The following ZC3H12B variants were observed in gnomAD, a reference collection of about 807,000 sequenced individuals.
ZC3H12B encodes probable ribonuclease ZC3H12B.
A neutral mutation model predicts 43.9 loss-of-function variants in ZC3H12B; 7 were observed. The observed-to-expected ratio is 0.16, with a 90% CI of 0.09 to 0.30. The LOEUF is 0.30. Among genes scored for constraint, ZC3H12B ranks in the 10% least tolerant of loss-of-function variants. ZC3H12B has a pLI of 1.00. For missense variants in ZC3H12B, 475 were observed against 670.2 expected, an observed-to-expected ratio of 0.71 and a Z score of 3.22; for synonymous variants, 222 against 241.7, an observed-to-expected ratio of 0.92 and a Z score of 0.76.
chrX:65,249,921 A>G, the ZC3H12B span, among the ~76,000 whole-genome samples: 2 of 104,369 alleles, frequency 1.9e-5, no homozygotes, highest in South Asian at 4.3e-4. Flanking sequence ...TGATCTTTGT[A>G]TGAAGAAACT....
the ZC3H12B span, among the ~76,000 whole-genome samples, chrX:65,190,075 T>G: frequency 9.0e-6 from 1 of 111,617 alleles, no homozygotes; most frequent in African/African-American, 3.3e-5. Flanking sequence ...CATTGCTTGT[T>G]TTTCTCAGGT....
At chrX:65,279,754 C>A in the ZC3H12B span, among the ~76,000 whole-genome samples, 1 of 111,857 alleles carries the variant, frequency 8.9e-6, no homozygotes, top group Non-Finnish European at 1.9e-5. Context: ...TTCTGCACAG[C>A]AAAACAAACT....
At chrX:65,412,895 C>A (rs1328995874) in intron 3 of ZC3H12B, among the ~76,000 whole-genome samples, 2 of 111,453 alleles carry the variant, frequency 1.8e-5, no homozygotes, top group Non-Finnish European at 3.8e-5. Context: ...AGTGTCTGAA[C>A]CAATTCACAT....
the ZC3H12B span, among the ~76,000 whole-genome samples, chrX:65,113,315 G>C: frequency 8.9e-6 from 1 of 111,894 alleles, no homozygotes; most frequent in Non-Finnish European, 1.9e-5. Flanking sequence ...GACAACAAAA[G>C]ATTTAGAATA....
the ZC3H12B span, among the ~76,000 whole-genome samples, chrX:65,158,911 A>T: frequency 1.8e-5 from 2 of 111,924 alleles, no homozygotes; most frequent in African/African-American, 6.5e-5. Flanking sequence ...TTTAGGTCTA[A>T]CATTTAAGTC....
At chrX:65,179,569 A>G in the ZC3H12B span, among the ~76,000 whole-genome samples, 1 of 110,697 alleles carries the variant, frequency 9.0e-6, no homozygotes, top group African/African-American at 3.3e-5. Flanking sequence ...GTTTTTTAAA[A>G]GACTAACAAA....
chrX:65,381,160 G>C (rs1437222560), intron 2 of ZC3H12B, among the ~76,000 whole-genome samples: 4 of 110,886 alleles, frequency 3.6e-5, no homozygotes, highest in African/African-American at 1.3e-4. Flanking sequence ...ATTTTTTTCA[G>C]CACCACACCA....
At chrX:65,471,822 G>C (rs185572907) in intron 3 of ZC3H12B, among the ~76,000 whole-genome samples, 194 of 111,502 alleles carry the variant, frequency 1.7e-3, no homozygotes, top group Middle Eastern at 9.2e-3. Flanking sequence ...TTTATTCAAT[G>C]TGAATATCGA....
intron 1 of ZC3H12B, among the ~76,000 whole-genome samples, chrX:65,495,972 G>A (rs1432321329): frequency 1.8e-5 from 2 of 111,504 alleles, no homozygotes; most frequent in African/African-American, 3.3e-5. Flanking sequence ...ATCCCAACCT[G>A]CTGGGATTAC....
At chrX:65,178,337 C>G in the ZC3H12B span, among the ~76,000 whole-genome samples, 2 of 111,874 alleles carry the variant, frequency 1.8e-5, no homozygotes, top group African/African-American at 6.5e-5. Context: ...CAATACCATT[C>G]AGGACATACG....
the ZC3H12B span, among the ~76,000 whole-genome samples, chrX:65,189,076 T>C: frequency 9.7e-6 from 1 of 102,911 alleles, no homozygotes; most frequent in African/African-American, 3.6e-5. Context: ...GATAGTTTAC[T>C]GAGAATGATG....
At chrX:65,113,051 T>A in the ZC3H12B span, among the ~76,000 whole-genome samples, 9 of 111,558 alleles carry the variant, frequency 8.1e-5, no homozygotes, top group African/African-American at 2.6e-4. Context: ...TTAACAGGAA[T>A]TTGGAATATG....
chrX:65,075,390 C>G, the ZC3H12B span, among the ~76,000 whole-genome samples: 13 of 112,476 alleles, frequency 1.2e-4, no homozygotes, highest in Middle Eastern at 4.6e-3. Context: ...GAGGGAGAAG[C>G]CTTTGAGCTG....
chrX:65,326,165 G>T, the ZC3H12B span, among the ~76,000 whole-genome samples: 1 of 111,562 alleles, frequency 9.0e-6, no homozygotes, highest in Admixed American at 9.5e-5. Flanking sequence ...ATAGACATAT[G>T]GGATTACATT....
chrX:65,128,521 G>A, the ZC3H12B span, among the ~76,000 whole-genome samples: 2 of 111,733 alleles, frequency 1.8e-5, no homozygotes, highest in Non-Finnish European at 3.8e-5. Context: ...TTGAAAGAAT[G>A]TGTATTCTGT....
chrX:65,461,082 G>A (rs2067737295), intron 3 of ZC3H12B, among the ~76,000 whole-genome samples: 1 of 112,348 alleles, frequency 8.9e-6, no homozygotes, highest in Admixed American at 9.5e-5. Context: ...AGACATTTAT[G>A]CAGCCAAAAG....
At chrX:65,195,069 T>A in the ZC3H12B span, among the ~76,000 whole-genome samples, 2 of 108,821 alleles carry the variant, frequency 1.8e-5, no homozygotes, top group South Asian at 7.8e-4. Flanking sequence ...TGCAGTGTAT[T>A]TGTTGTAGTG....
intron 3 of ZC3H12B, among the ~76,000 whole-genome samples, chrX:65,418,132 A>G (rs1395021978): frequency 3.6e-5 from 4 of 112,136 alleles, no homozygotes; most frequent in Non-Finnish European, 7.5e-5. Context: ...AAGAAGCTAT[A>G]GCAAGTGTCA....
the ZC3H12B span, among the ~76,000 whole-genome samples, chrX:65,230,521 A>T: frequency 9.2e-6 from 1 of 108,166 alleles, no homozygotes; most frequent in African/African-American, 3.4e-5. Flanking sequence ...GTACCCTAAA[A>T]CTTAAAGTAT....
Sources: allele counts gnomAD v4.1 joint callset (sites outside exome capture counted in the v4.1 genomes callset), GRCh38; gene constraint gnomAD v4.1.1; transcripts MANE v1.5; gene names NCBI Gene and HGNC (gene_info 2026-07-23, HGNC 2026-07-21).